Variants in KLHL15 observed in about 807,000 individuals in gnomAD.
KLHL15 encodes the protein kelch like family member 15.
A neutral mutation model predicts 29.3 loss-of-function variants in KLHL15; 1 was observed. The observed-to-expected ratio is 0.03, with a 90% CI of 0.01 to 0.16. KLHL15 has a LOEUF of 0.16. Ranked by LOEUF, KLHL15 falls within the 10% of genes least tolerant of loss-of-function variation. The pLI is 1.00. For missense variants in KLHL15, 215 were observed against 478.5 expected (o/e 0.45, Z 5.14); for synonymous variants, 212 against 184.5 (o/e 1.15, Z -1.21).
chrX:24,008,889 CA>C (rs1171150015), intron 2 of KLHL15, among the ~76,000 whole-genome samples: 2 of 88,352 alleles, frequency 2.3e-5, no homozygotes, highest in Non-Finnish European at 4.2e-5. Flanking sequence ...AAAAACAAAA[CA>C]AAAAAAAAAC....
intron 2 of KLHL15, among the ~76,000 whole-genome samples, chrX:24,007,940 T>C (rs1177909206): frequency 2.8e-5 from 3 of 109,051 alleles, no homozygotes; most frequent in Non-Finnish European, 5.7e-5. Context: ...AAAAAACAAG[T>C]GACTGCAGTA....
At chrX:24,011,476 T>C (rs1221519684) in intron 2 of KLHL15, among the ~76,000 whole-genome samples, 2 of 111,107 alleles carry the variant, frequency 1.8e-5, no homozygotes, top group Non-Finnish European at 3.8e-5. Context: ...AAACCCCATC[T>C]CTACCAAAAA....
intron 2 of KLHL15, among the ~76,000 whole-genome samples, chrX:24,022,425 G>C (rs1389879365): frequency 9.4e-6 from 1 of 106,528 alleles, no homozygotes; most frequent in Non-Finnish European, 1.9e-5. Context: ...CTTGAGTCCA[G>C]GAGTTCGAGA....
Position 24,025,009 on chromosome X carries a change from G to A in KLHL15, c.-160C>T. 2 of 297,827 alleles carry A rather than the reference G, an allele frequency of 6.7e-6. No homozygotes were observed. The highest frequency in any genetic ancestry group is 4.7e-5 in the East Asian group (1 of 21,058). The allele number at this position is 297,827 out of a possible 1,213,427, so 24.5% of individuals were successfully genotyped here. A position where few individuals can be genotyped will look rare whatever the true frequency, so the allele number is the denominator to read the frequency against. On this transcript the variant is annotated 5_prime_UTR_variant, in exon 2 of 4. Coordinates refer to ENST00000328046, the MANE Select transcript of KLHL15 (RefSeq NM_030624.3). ...AGCCGCTCCCGGCACGAGCCGGGTC[G>A]CTCCGGCGGGGCACGAGAGTGCTCG...
At chrX:24,009,100 T>C (rs1243781256) in intron 2 of KLHL15, among the ~76,000 whole-genome samples, 3 of 111,832 alleles carry the variant, frequency 2.7e-5, no homozygotes, top group African/African-American at 9.8e-5. Flanking sequence ...GGCTCACACC[T>C]GTAATCCCAG....
intron 3 of KLHL15, among the ~76,000 whole-genome samples, chrX:24,005,220 ACT>A (rs1350018593): frequency 4.5e-5 from 5 of 111,965 alleles, no homozygotes; most frequent in Non-Finnish European, 9.4e-5. Context: ...CACAAGTGAA[ACT>A]CTGATATAAA....
intron 3 of KLHL15, among the ~76,000 whole-genome samples, chrX:23,997,531 G>C (rs1262681145): frequency 1.8e-5 from 2 of 108,464 alleles, no homozygotes; most frequent in South Asian, 4.1e-4. Flanking sequence ...AGGAGTTCAA[G>C]ACCAGCCTGG....
chrX:24,024,980 G>C lies in KLHL15; in HGVS notation c.-131C>G. Reference sequence around the variant, plus strand: ...CTCGGCAGGCTCCTCGGACGTCTACGAGCAGCCGCTCCCGGCACGAGCCGG... The same window carrying C: ...CTCGGCAGGCTCCTCGGACGTCTACCAGCAGCCGCTCCCGGCACGAGCCGG... On this transcript the variant is annotated 5_prime_UTR_variant, in exon 2 of 4. Transcript: ENST00000328046. 1 of 298,037 alleles carries C rather than the reference G, an allele frequency of 3.4e-6. No homozygotes were observed. The highest frequency in any genetic ancestry group is 4.7e-5 in the East Asian group (1 of 21,055). 24.6% of individuals were successfully genotyped at this position (298,037 alleles called of 1,213,427 possible). A position where few individuals can be genotyped will look rare whatever the true frequency, so the allele number is the denominator to read the frequency against.
At chrX:24,001,021 G>C (rs975024481) in intron 3 of KLHL15, among the ~76,000 whole-genome samples, 5 of 112,290 alleles carry the variant, frequency 4.5e-5, no homozygotes, top group African/African-American at 1.6e-4. Context: ...TTCTCTGTAA[G>C]TTACAGAAAT....
chrX:24,023,935 T>C (rs1295462854), intron 2 of KLHL15, among the ~76,000 whole-genome samples: 1 of 112,402 alleles, frequency 8.9e-6, no homozygotes, highest in African/African-American at 3.2e-5. Flanking sequence ...TCCCTAGATA[T>C]GAAAAACAGG....
chrX:24,009,713 G>C (rs1174860127), intron 2 of KLHL15, among the ~76,000 whole-genome samples: 1 of 99,246 alleles, frequency 1.0e-5, no homozygotes, highest in Non-Finnish European at 2.0e-5. Flanking sequence ...AAAAAAGCCG[G>C]GCTCAGTGGC....
At chrX:23,997,091 GAAGTA>G (rs1929205728) in intron 3 of KLHL15, among the ~76,000 whole-genome samples, 1 of 111,663 alleles carries the variant, frequency 9.0e-6, no homozygotes, top group Admixed American at 9.5e-5. Context: ...GTGAACTTCA[GAAGTA>G]AAGTGACCAG....
chrX:24,020,473 T>C (rs764899817), intron 2 of KLHL15, among the ~76,000 whole-genome samples: 5 of 111,852 alleles, frequency 4.5e-5, no homozygotes, highest in Non-Finnish European at 7.5e-5. Flanking sequence ...AAATTGCAAA[T>C]GACCATTTAA....
chrX:23,994,165 G>A (rs1247453619), intron 3 of KLHL15, among the ~76,000 whole-genome samples: 1 of 111,961 alleles, frequency 8.9e-6, no homozygotes, highest in African/African-American at 3.2e-5. Context: ...TGACAAAGTG[G>A]ACCACATCTG....
intron 2 of KLHL15, among the ~76,000 whole-genome samples, chrX:24,010,109 T>G (rs2147106600): frequency 9.1e-6 from 1 of 110,353 alleles, no homozygotes; most frequent in South Asian, 3.8e-4. Context: ...CCATCTCAAC[T>G]CCTACAACCT....
chrX:23,998,656 C>A (rs752777674), intron 3 of KLHL15, among the ~76,000 whole-genome samples: 28 of 111,553 alleles, frequency 2.5e-4, no homozygotes, highest in African/African-American at 8.8e-4. Context: ...AACAGGAAAG[C>A]CAAATAAAAG....
At chrX:23,993,960 C>T (rs1929135570) in intron 3 of KLHL15, among the ~76,000 whole-genome samples, 1 of 105,586 alleles carries the variant, frequency 9.5e-6, no homozygotes, top group African/African-American at 3.5e-5. Context: ...GTGGGAGAAT[C>T]GAATAGCTTG....
chrX:23,996,520 G>A (rs1297407839), intron 3 of KLHL15, among the ~76,000 whole-genome samples: 1 of 111,137 alleles, frequency 9.0e-6, no homozygotes, highest in Admixed American at 9.6e-5. Context: ...AAAATTAGCT[G>A]GGCGTGGTGG....
intron 2 of KLHL15, among the ~76,000 whole-genome samples, chrX:24,007,989 T>C (rs1276659600): frequency 9.0e-6 from 1 of 111,289 alleles, no homozygotes. Context: ...CGCATATATT[T>C]GTTAGATGAG....
Sources: allele counts gnomAD v4.1 joint callset (sites outside exome capture counted in the v4.1 genomes callset), GRCh38; gene constraint gnomAD v4.1.1; transcripts MANE v1.5; gene names NCBI Gene and HGNC (gene_info 2026-07-23, HGNC 2026-07-21).